PRLR: variants seen among roughly 807,000 people sequenced by gnomAD.
The protein encoded by PRLR is hPRL receptor.
In PRLR, 13 loss-of-function variants were observed where a neutral mutation model predicts 40.2. That is an observed-to-expected ratio of 0.32 (90% confidence interval 0.21 to 0.51). The LOEUF is 0.51. Ranked by LOEUF, PRLR falls within the 20% of genes least tolerant of loss-of-function variation. PRLR has a pLI of 0.97. For missense variants in PRLR, 656 were observed against 747.3 expected, an observed-to-expected ratio of 0.88 and a Z score of 1.42; for synonymous variants, 269 against 278.7, an observed-to-expected ratio of 0.97 and a Z score of 0.35.
intron 1 of PRLR, among the ~76,000 whole-genome samples, chr5:35,168,444 A>C (rs1281792945): frequency 6.6e-6 from 1 of 152,128 alleles, no homozygotes; most frequent in Non-Finnish European, 1.5e-5. Context: ...CCAAGGCCAT[A>C]TCCTGAATCA....
chr5:35,137,203 C>T (rs1579719252), intron 1 of PRLR, among the ~76,000 whole-genome samples: 1 of 152,136 alleles, frequency 6.6e-6, no homozygotes, highest in Admixed American at 6.5e-5. Context: ...ACAAAGAAAA[C>T]AAGGCTTGGA....
chr5:35,144,525 C>T (rs917516163), intron 1 of PRLR, among the ~76,000 whole-genome samples: 2 of 152,192 alleles, frequency 1.3e-5, no homozygotes, highest in Non-Finnish European at 2.9e-5. Context: ...ACAATCTCGG[C>T]TCACTGCAAC....
rs749637369 is a variant in PRLR at position 35,065,097 on chromosome 5, AG to A, written c.1860del (p.His622ThrfsTer11). 1 of 1,609,978 alleles carries A rather than the reference AG, an allele frequency of 6.2e-7. No homozygotes were observed. Among genetic ancestry groups the A allele is most frequent in the East Asian group, 2.2e-5 (1 of 44,798 alleles). On this transcript the variant is annotated frameshift_variant, in exon 10 of 10. Transcript: ENST00000618457. LOFTEE classifies it high-confidence loss of function. ...DYLDPACFTH[S>X]FH ...TTCCATTAGTCAAGCTATCAGTGAA[AG>A]GAGTGTGTAAAACATGCGGGATCCA...
chr5:35,097,523 GCTAA>G (rs1359251119), intron 2 of PRLR, among the ~76,000 whole-genome samples: 2 of 152,194 alleles, frequency 1.3e-5, no homozygotes, highest in African/African-American at 4.8e-5. Flanking sequence ...TGGGGTCTGT[GCTAA>G]CTATCACACT....
intron 1 of PRLR, among the ~76,000 whole-genome samples, chr5:35,145,383 C>T (rs1244678436): frequency 6.6e-6 from 1 of 152,200 alleles, no homozygotes; most frequent in Non-Finnish European, 1.5e-5. Context: ...TTTATGTCTA[C>T]TGCACACCAA....
chr5:35,207,942 C>T (rs959087645), intron 1 of PRLR, among the ~76,000 whole-genome samples: 2 of 151,880 alleles, frequency 1.3e-5, no homozygotes, highest in Non-Finnish European at 2.9e-5. Flanking sequence ...GGTGTTGGCC[C>T]AAGAATTGAT....
At chr5:35,091,035 C>T (rs1340714535) in intron 2 of PRLR, among the ~76,000 whole-genome samples, 2 of 151,576 alleles carry the variant, frequency 1.3e-5, no homozygotes, top group Admixed American at 1.3e-4. Flanking sequence ...GATGGTCTCG[C>T]TCTCCTGAAC....
At chr5:35,113,821 C>T (rs77456162) in intron 2 of PRLR, among the ~76,000 whole-genome samples, 9,054 of 152,284 alleles carry the variant, frequency 0.059, 362 homozygotes, top group Non-Finnish European at 0.089. Flanking sequence ...GAGGCTGCTT[C>T]GGGAGAAGGA....
chr5:35,075,610 G>T (rs1484119192), intron 5 of PRLR, among the ~76,000 whole-genome samples: 1 of 152,222 alleles, frequency 6.6e-6, no homozygotes, highest in Non-Finnish European at 1.5e-5. Flanking sequence ...CACCTCTGGG[G>T]CCAGAGAATA....
At chr5:35,089,445 G>T in intron 3 of PRLR, 106 bp downstream of exon 3, 1 of 793,994 alleles carries the variant, frequency 1.3e-6, no homozygotes, top group Non-Finnish European at 2.2e-6. Context: ...ACATAACACA[G>T]CATTTTCATT....
intron 2 of PRLR, among the ~76,000 whole-genome samples, chr5:35,103,353 G>A (rs1772017905): frequency 1.3e-5 from 2 of 152,160 alleles, no homozygotes; most frequent in African/African-American, 4.8e-5. Flanking sequence ...TATCAGCAAA[G>A]GGTACAGCTA....
chr5:35,049,354 G>C, exon 9 of PRLR: 1 of 702,990 alleles, frequency 1.4e-6, no homozygotes, highest in Non-Finnish European at 2.6e-6. Context: ...GATTTTTCTT[G>C]GTCTGTAAGA....
At chr5:35,049,370 G>C in exon 9 of PRLR, 1 of 703,044 alleles carries the variant, frequency 1.4e-6, no homozygotes, top group South Asian at 1.5e-5. Flanking sequence ...TAAGATTTGA[G>C]ATTTTTGTAA....
chr5:35,214,403 T>G (rs9292575), intron 1 of PRLR, among the ~76,000 whole-genome samples: 137,309 of 152,260 alleles, frequency 0.9, 62,646 homozygotes, highest in African/African-American at 0.96. Context: ...CTCCATGTGT[T>G]ACGCACTGCT....
rs374354340 is a variant in PRLR at position 35,079,147 on chromosome 5, C to T, written c.373+5323G>A. On this transcript the variant is annotated intron_variant, in intron 5 of 9. Coordinates refer to ENST00000618457, the MANE Select transcript of PRLR (RefSeq NM_000949.7). ...GAAGCATTCCCTTTGAAAACTGTCA[C>T]AAGACAGGGATGCCATCTCTCACCG... 6.6e-5 allele frequency among the ~76,000 whole-genome samples: 10 copies of T among 152,282 alleles called. No individual in the cohort carries two copies. In the East Asian group the frequency reaches 1.4e-3, roughly 21 times the overall value.
intron 1 of PRLR, among the ~76,000 whole-genome samples, chr5:35,124,371 G>A (rs1773388581): frequency 1.3e-5 from 2 of 151,888 alleles, no homozygotes; most frequent in Non-Finnish European, 1.5e-5. Flanking sequence ...CCTCCTCATG[G>A]TGCATGCTTA....
At chr5:35,177,021 G>A (rs549896885) in intron 1 of PRLR, among the ~76,000 whole-genome samples, 2 of 152,256 alleles carry the variant, frequency 1.3e-5, no homozygotes, top group Non-Finnish European at 2.9e-5. Context: ...GCATTGAGAT[G>A]TTTATGTGTA....
intron 1 of PRLR, among the ~76,000 whole-genome samples, chr5:35,172,651 G>A (rs376827811): frequency 1.3e-5 from 2 of 152,166 alleles, no homozygotes; most frequent in Non-Finnish European, 2.9e-5. Context: ...TTCTCAGTTT[G>A]TCCTGTTTCC....
At position 35,072,693 on chromosome 5, in the gene PRLR, T is replaced by C; in HGVS notation, c.425A>G (p.Asp142Gly). The change falls in exon 6 of 10, where the codon GAC becomes GGC. Residue 142 changes from aspartate (D) to glycine (G), a missense_variant. By Grantham distance (94) the Asp-to-Gly change is moderately conservative. Transcript: ENST00000618457. ...TTTAATCCACAGGTAGGGTTTTCTG[T>C]CTTCTGGCTGTTTTACTTCCACAGC... ...ELAVEVKQPE[D>G]RKPYLWIKWS... is the part of the protein sequence containing the mutation. 1 of 1,614,186 alleles carries C rather than the reference T, an allele frequency of 6.2e-7. No homozygotes were observed. The highest frequency in any genetic ancestry group is 8.5e-7 in the Non-Finnish European group (1 of 1,180,012).
Sources: gnomAD v4.1 joint callset for allele counts (sites outside exome capture counted in the v4.1 genomes callset) on GRCh38, gnomAD v4.1.1 for gene constraint, MANE v1.5 for transcripts, NCBI Gene and HGNC (gene_info 2026-07-23, HGNC 2026-07-21) for gene names.